Variants in FHIT observed in about 807,000 individuals in gnomAD.
FHIT encodes fragile histidine triad diadenosine triphosphatase.
A neutral mutation model predicts 17.9 loss-of-function variants in FHIT; 19 were observed. The ratio of observed to expected loss-of-function variants is 1.06; its 90% CI spans 0.74 to 1.56. FHIT has a LOEUF of 1.56. FHIT is among the 40% of genes most tolerant of loss of function. The pLI is 0.00. For synonymous variants in FHIT, 81 were observed against 69.7 expected (o/e 1.16, Z -0.81); for missense variants, 248 against 189.2 (o/e 1.31, Z -1.82).
chr3:60,172,415 A>G (rs1576247578), intron 5 of FHIT, among the ~76,000 whole-genome samples: 2 of 149,538 alleles, frequency 1.3e-5, no homozygotes, highest in Middle Eastern at 7.2e-3. Flanking sequence ...ACAGGCATGC[A>G]CCACCACGCC....
intron 5 of FHIT, among the ~76,000 whole-genome samples, chr3:60,043,850 T>C (rs1189304385): frequency 6.6e-6 from 1 of 152,224 alleles, no homozygotes; most frequent in Admixed American, 6.5e-5. Flanking sequence ...AAGAGCCTAA[T>C]GTTTCTTTAT....
chr3:60,910,288 C>A (rs1048565786), intron 3 of FHIT, among the ~76,000 whole-genome samples: 2 of 152,068 alleles, frequency 1.3e-5, no homozygotes, highest in Non-Finnish European at 2.9e-5. Flanking sequence ...TCCCCCACCA[C>A]AAAGACTGTG....
intron 5 of FHIT, among the ~76,000 whole-genome samples, chr3:60,319,378 G>T (rs1159660579): frequency 6.6e-6 from 1 of 151,760 alleles, no homozygotes; most frequent in East Asian, 1.9e-4. Flanking sequence ...CTGCTGACAA[G>T]TTCTGATCAA....
At chr3:60,494,678 T>C (rs960155232) in intron 5 of FHIT, among the ~76,000 whole-genome samples, 2 of 152,186 alleles carry the variant, frequency 1.3e-5, no homozygotes, top group Admixed American at 6.5e-5. Context: ...CCTCTATTAG[T>C]TGAATTGTTT....
At chr3:60,696,969 T>C (rs1160662289) in intron 4 of FHIT, among the ~76,000 whole-genome samples, 1 of 152,138 alleles carries the variant, frequency 6.6e-6, no homozygotes, top group Non-Finnish European at 1.5e-5. Context: ...ACTAGCAACA[T>C]GAGTGCACTC....
rs17063381 is a variant in FHIT at position 60,508,956 on chromosome 3, C to G, written c.103+27904G>C. Among the ~76,000 whole-genome samples the G allele has an allele frequency of 3.7e-3, 564 of 152,238 alleles. 5 individuals carry two copies. Among genetic ancestry groups the G allele is most frequent in the African/African-American group, 0.013 (539 of 41,548 alleles). ...ACGTGATAGTATAAATGTACAGACA[C>G]AAATCACTGCTTTAAGATTCCCTCT... On this transcript the variant is annotated intron_variant, in intron 5 of 9. Coordinates refer to ENST00000492590, the MANE Select transcript of FHIT (RefSeq NM_002012.4).
intron 5 of FHIT, among the ~76,000 whole-genome samples, chr3:60,215,056 C>T (rs1410635689): frequency 6.6e-6 from 1 of 151,986 alleles, no homozygotes; most frequent in East Asian, 1.9e-4. Flanking sequence ...TCAAAGCCTG[C>T]CAATCATGTA....
intron 4 of FHIT, among the ~76,000 whole-genome samples, chr3:60,801,049 T>C (rs1420153112): frequency 2.0e-5 from 3 of 152,122 alleles, no homozygotes. Flanking sequence ...ACAATATAAG[T>C]ATACATTCTC....
chr3:60,354,229 TA>T (rs1415561672), intron 5 of FHIT, among the ~76,000 whole-genome samples: 1 of 152,162 alleles, frequency 6.6e-6, no homozygotes, highest in East Asian at 1.9e-4. Context: ...AAACTCATAG[TA>T]AAAAAGTATG....
intron 5 of FHIT, among the ~76,000 whole-genome samples, chr3:60,167,770 C>T (rs961994321): frequency 6.6e-6 from 1 of 152,172 alleles, no homozygotes; most frequent in Non-Finnish European, 1.5e-5. Context: ...CGTAGTGGCT[C>T]ATGCCTGTAA....
At chr3:60,619,631 T>C (rs1330372369) in intron 4 of FHIT, among the ~76,000 whole-genome samples, 2 of 86,618 alleles carry the variant, frequency 2.3e-5, no homozygotes, top group Admixed American at 2.2e-4. Flanking sequence ...AAAAAAAGAA[T>C]CTAGACAAAG....
chr3:60,584,803 T>C (rs2107685156), intron 4 of FHIT, among the ~76,000 whole-genome samples: 1 of 152,124 alleles, frequency 6.6e-6, no homozygotes, highest in Non-Finnish European at 1.5e-5. Flanking sequence ...TTTTTGCTAC[T>C]ACTGAATGAA....
chr3:61,155,175 A>C (rs2037499841), intron 2 of FHIT, among the ~76,000 whole-genome samples: 1 of 152,162 alleles, frequency 6.6e-6, no homozygotes, highest in Non-Finnish European at 1.5e-5. Flanking sequence ...TTCACTTTCC[A>C]ACAATTCTTT....
intron 3 of FHIT, among the ~76,000 whole-genome samples, chr3:60,853,219 G>A (rs1703223859): frequency 6.6e-6 from 1 of 152,094 alleles, no homozygotes; most frequent in African/African-American, 2.4e-5. Flanking sequence ...GTTTCTGAAA[G>A]TTGTCTCTGA....
rs114719857 is a variant in FHIT, at chr3:59,847,670, G to A, written c.348+74676C>T. Among the ~76,000 whole-genome samples, 653 of 152,030 alleles carry A rather than the reference G, an allele frequency of 4.3e-3. 7 individuals carry two copies. The highest frequency in any genetic ancestry group is 0.015 in the African/African-American group (627 of 41,462). On this transcript the variant is annotated intron_variant, in intron 8 of 9. Transcript: ENST00000492590. ...TATGCCTTGTAATTTTATTTTTGTT[G>A]AAAACTGGACATATGAATCGAATAA...
chr3:60,489,190 T>C (rs2033964665), intron 5 of FHIT, among the ~76,000 whole-genome samples: 1 of 152,188 alleles, frequency 6.6e-6, no homozygotes, highest in African/African-American at 2.4e-5. Context: ...TCTAACATAA[T>C]AGTACCTATT....
At chr3:61,014,516 A>G (rs980654826) in intron 3 of FHIT, among the ~76,000 whole-genome samples, 2 of 151,886 alleles carry the variant, frequency 1.3e-5, no homozygotes, top group Non-Finnish European at 2.9e-5. Context: ...GCAGTGGCTC[A>G]TGCCTGCAAT....
At chr3:60,924,617 G>A (rs1056244776) in intron 3 of FHIT, among the ~76,000 whole-genome samples, 2 of 152,148 alleles carry the variant, frequency 1.3e-5, no homozygotes, top group Non-Finnish European at 2.9e-5. Context: ...AAAAAACAGA[G>A]CAGAAAAACT....
chr3:60,624,498 A>T (rs1553680077), intron 4 of FHIT, among the ~76,000 whole-genome samples: 1 of 152,208 alleles, frequency 6.6e-6, no homozygotes, highest in Non-Finnish European at 1.5e-5. Context: ...TTTTATAAAT[A>T]TAGGAACATG....
Sources: allele counts gnomAD v4.1 joint callset (sites outside exome capture counted in the v4.1 genomes callset), GRCh38; gene constraint gnomAD v4.1.1; transcripts MANE v1.5; gene names NCBI Gene and HGNC (gene_info 2026-07-23, HGNC 2026-07-21).